Variants in ATRNL1 observed in about 807,000 individuals in gnomAD.
ATRNL1 encodes attractin-like protein 1.
ATRNL1 carries 95 observed loss-of-function variants against 182.7 expected under a neutral mutation model. The ratio of observed to expected loss-of-function variants is 0.52; its 90% CI spans 0.44 to 0.62. ATRNL1 has a LOEUF of 0.62. Ranked by LOEUF, ATRNL1 falls within the 20% of genes least tolerant of loss-of-function variation. The pLI, the probability that ATRNL1 is intolerant of heterozygous loss-of-function variation, is 0.00. For synonymous variants in ATRNL1, 576 were observed against 568.3 expected (o/e 1.01, Z -0.19); for missense variants, 1,471 against 1,679.5 (o/e 0.88, Z 2.17).
At chr10:115,244,529 A>G (rs1850550399) in intron 10 of ATRNL1, among the ~76,000 whole-genome samples, 1 of 152,214 alleles carries the variant, frequency 6.6e-6, no homozygotes, top group South Asian at 2.1e-4. Context: ...AGTGCAGCTG[A>G]TAATACAGCT....
intron 8 of ATRNL1, among the ~76,000 whole-genome samples, chr10:115,214,332 A>G (rs1441359955): frequency 1.3e-5 from 2 of 151,410 alleles, no homozygotes; most frequent in Non-Finnish European, 2.9e-5. Flanking sequence ...ATATATAGTT[A>G]AGTGGTTAAA....
intron 18 of ATRNL1, among the ~76,000 whole-genome samples, chr10:115,316,599 G>A (rs782071154): frequency 6.6e-6 from 1 of 152,048 alleles, no homozygotes; most frequent in East Asian, 1.9e-4. Flanking sequence ...TTTAATAATC[G>A]CCATTCTGAC....
chr10:115,780,524 A>C (rs76277962), intron 27 of ATRNL1, among the ~76,000 whole-genome samples: 7,479 of 152,134 alleles, frequency 0.049, 513 homozygotes, highest in African/African-American at 0.16. Context: ...CCCCAGGCTG[A>C]AGAGCTCATG....
intron 18 of ATRNL1, among the ~76,000 whole-genome samples, chr10:115,318,318 G>A (rs1163452982): frequency 2.6e-5 from 4 of 152,048 alleles, no homozygotes; most frequent in African/African-American, 7.2e-5. Flanking sequence ...TTTTCACATC[G>A]ATATTCATCA....
chr10:115,162,215 G>T (rs1266499081), intron 6 of ATRNL1, among the ~76,000 whole-genome samples: 8 of 151,978 alleles, frequency 5.3e-5, no homozygotes, highest in Non-Finnish European at 1.2e-4. Flanking sequence ...AGACAGATGG[G>T]ATGGATGGAT....
chr10:115,605,990 A>G (rs1293120404), intron 26 of ATRNL1, among the ~76,000 whole-genome samples: 2 of 152,006 alleles, frequency 1.3e-5, no homozygotes, highest in East Asian at 3.9e-4. Context: ...CATAATGAAC[A>G]AAAAATGTGG....
intron 19 of ATRNL1, among the ~76,000 whole-genome samples, chr10:115,339,570 T>A (rs1855642955): frequency 6.6e-6 from 1 of 152,178 alleles, no homozygotes; most frequent in South Asian, 2.1e-4. Context: ...TATCCTTCAA[T>A]TTTACTGAAT....
At chr10:115,213,851 G>A (rs1464959464) in intron 8 of ATRNL1, among the ~76,000 whole-genome samples, 3 of 151,970 alleles carry the variant, frequency 2.0e-5, no homozygotes, top group Non-Finnish European at 4.4e-5. Flanking sequence ...GTTGTTTATT[G>A]CACCATTGTT....
intron 28 of ATRNL1, among the ~76,000 whole-genome samples, chr10:115,869,889 A>G (rs782001914): frequency 1.1e-4 from 16 of 149,884 alleles, no homozygotes; most frequent in Non-Finnish European, 1.6e-4. Context: ...TAATGACTGC[A>G]TATTGCTTTT....
intron 18 of ATRNL1, among the ~76,000 whole-genome samples, chr10:115,317,500 G>A (rs1324326773): frequency 6.6e-6 from 1 of 152,126 alleles, no homozygotes; most frequent in Non-Finnish European, 1.5e-5. Flanking sequence ...CCATTTTTAC[G>A]ATATTGATTC....
intron 28 of ATRNL1, among the ~76,000 whole-genome samples, chr10:115,859,824 T>TA (rs1416119753): frequency 6.6e-6 from 1 of 152,310 alleles, no homozygotes; most frequent in Non-Finnish European, 1.5e-5. Context: ...GTGCCAGCAG[T>TA]AAAAATGTAA....
rs542860021 is a variant in ATRNL1 at position 115,811,790 on chromosome 10, A to G, written c.3904-36087A>G. The stretch of plus-strand genomic sequence containing the variant: ...AGTCGTCTCTTTGTGCCTTTAATAT[A>G]GCCACTCCAGCTTTCTTTCTTTAAT... On this transcript the variant is annotated intron_variant, in intron 27 of 28. Coordinates refer to ENST00000355044, the MANE Select transcript of ATRNL1 (RefSeq NM_207303.4). Among the ~76,000 whole-genome samples, 3 of 152,118 alleles carry G rather than the reference A, an allele frequency of 2.0e-5. No homozygotes were observed. In the East Asian group the frequency reaches 5.8e-4, roughly 29 times the overall value.
At chr10:115,540,313 T>G (rs10885736) in intron 25 of ATRNL1, among the ~76,000 whole-genome samples, 107,595 of 151,856 alleles carry the variant, frequency 0.71, 39,339 homozygotes, top group African/African-American at 0.82. Context: ...CCCGCTGCAC[T>G]GACTCAAGAA....
chr10:115,271,165 T>TACAC (rs59638255), intron 13 of ATRNL1, among the ~76,000 whole-genome samples: 4,225 of 145,972 alleles, frequency 0.029, 111 homozygotes, highest in African/African-American at 0.065. Context: ...ACAAAGATAT[T>TACAC]ACACACACAC....
rs186799693 is a variant in ATRNL1, at chr10:115,398,232, G to T, written c.3269+3480G>T. ...GGGATTGGCAGCCGCAGTGGGCAGG[G>T]CATCAGTAGTACAGTCAAAATATTC... On this transcript the variant is annotated intron_variant, in intron 20 of 28. Transcript: ENST00000355044. 8.2e-3 allele frequency among the ~76,000 whole-genome samples: 1,243 copies of T among 152,114 alleles called. 12 individuals are homozygous for T. Among genetic ancestry groups the T allele is most frequent in the South Asian group, 0.016 (79 of 4,826 alleles).
intron 28 of ATRNL1, among the ~76,000 whole-genome samples, chr10:115,888,906 C>T (rs1406154993): frequency 2.0e-5 from 3 of 152,104 alleles, no homozygotes; most frequent in South Asian, 2.1e-4. Flanking sequence ...GCTGACATTT[C>T]GTTGGCTGGA....
chr10:115,478,058 G>A (rs1321522488), intron 24 of ATRNL1, among the ~76,000 whole-genome samples: 1 of 151,668 alleles, frequency 6.6e-6, no homozygotes, highest in Non-Finnish European at 1.5e-5. Flanking sequence ...AGGATTGAGA[G>A]GAAGGTTTTT....
intron 18 of ATRNL1, among the ~76,000 whole-genome samples, chr10:115,316,309 C>T (rs1028235747): frequency 3.3e-5 from 5 of 152,138 alleles, no homozygotes; most frequent in African/African-American, 9.7e-5. Context: ...TATGGCTATG[C>T]AGTATTCCAT....
chr10:115,917,661 A>G (rs1384205969), intron 28 of ATRNL1, among the ~76,000 whole-genome samples: 4 of 152,274 alleles, frequency 2.6e-5, no homozygotes, highest in African/African-American at 9.6e-5. Context: ...GTAAAAGCTC[A>G]TATGTGATTA....
Sources: allele counts gnomAD v4.1 joint callset (sites outside exome capture counted in the v4.1 genomes callset), GRCh38; gene constraint gnomAD v4.1.1; transcripts MANE v1.5; gene names NCBI Gene and HGNC (gene_info 2026-07-23, HGNC 2026-07-21).